Variants in GRK5 observed in about 807,000 individuals in gnomAD.
The protein encoded by GRK5 is g protein-coupled receptor kinase GRK5.
A neutral mutation model predicts 78.4 loss-of-function variants in GRK5; 40 were observed. That is an observed-to-expected ratio of 0.51 (90% CI 0.40 to 0.66). GRK5 has a LOEUF of 0.66. Among genes scored for constraint, GRK5 ranks in the 30% least tolerant of loss-of-function variants. The pLI is 0.00. For missense variants in GRK5, 598 were observed against 759.9 expected, an observed-to-expected ratio of 0.79 and a Z score of 2.50; for synonymous variants, 289 against 296.8, an observed-to-expected ratio of 0.97 and a Z score of 0.27.
At chr10:119,317,626 G>C (rs1162655626) in intron 1 of GRK5, among the ~76,000 whole-genome samples, 1 of 152,058 alleles carries the variant, frequency 6.6e-6, no homozygotes, top group South Asian at 2.1e-4. Flanking sequence ...AGCCTGCCAG[G>C]CATCCTGCTG....
chr10:119,335,170 CT>C (rs1850856565), intron 2 of GRK5, among the ~76,000 whole-genome samples: 5 of 141,204 alleles, frequency 3.5e-5, no homozygotes, highest in Admixed American at 1.4e-4. Context: ...CTCTCTCTCT[CT>C]CTCTCCCCCT....
Position 119,446,924 on chromosome 10 carries a change from G to A in GRK5, c.1267-1199G>A, listed in dbSNP as rs541143488. 8.5e-5 allele frequency among the ~76,000 whole-genome samples: 13 copies of A among 152,356 alleles called. No individual in the cohort carries two copies. In the South Asian group the frequency reaches 2.1e-3, roughly 24 times the overall value. On this transcript the variant is annotated intron_variant, in intron 12 of 15. Coordinates refer to ENST00000392870, the MANE Select transcript of GRK5 (RefSeq NM_005308.3). Reference sequence around the variant, plus strand: ...TACATGGGATGAATATGAGCAAAGCGCACAGGGCATTGGGAAAAGACAAGG... The same window carrying A: ...TACATGGGATGAATATGAGCAAAGCACACAGGGCATTGGGAAAAGACAAGG...
chr10:119,444,523 C>T (rs1289574563), intron 12 of GRK5, among the ~76,000 whole-genome samples: 1 of 152,166 alleles, frequency 6.6e-6, no homozygotes. Context: ...CTGCCTGGCT[C>T]TCAGCCCCCA....
chr10:119,425,964 A>C (rs1852670238), intron 6 of GRK5, among the ~76,000 whole-genome samples: 1 of 152,172 alleles, frequency 6.6e-6, no homozygotes, highest in African/African-American at 2.4e-5. Flanking sequence ...TCACTGGCCC[A>C]GGATTTGCAG....
intron 2 of GRK5, among the ~76,000 whole-genome samples, chr10:119,347,289 A>G (rs1851111975): frequency 6.6e-6 from 1 of 150,600 alleles, no homozygotes; most frequent in Non-Finnish European, 1.5e-5. Context: ...GCAAGTGTGC[A>G]TGTGTGTGTA....
chr10:119,379,244 C>T lies in GRK5; in HGVS notation c.149-1571C>T, dbSNP rs139597143. ...GGTCCTAGGAGTTAGGTCTGCTTAC[C>T]GTCCGCAGTTTACAGACTAGACAAC... On this transcript the variant is annotated intron_variant, in intron 2 of 15. Transcript: ENST00000392870. The surrounding 1 kb of genome is among the most constrained non-coding windows in gnomAD (Gnocchi z 4.1). Among the ~76,000 whole-genome samples the T allele has an allele frequency of 2.6e-4, 39 of 152,220 alleles. No homozygotes were observed. Among genetic ancestry groups the T allele is most frequent in the African/African-American group, 7.2e-4 (30 of 41,524 alleles).
At chr10:119,286,026 CT>C (rs1849841962) in intron 1 of GRK5, among the ~76,000 whole-genome samples, 2 of 149,598 alleles carry the variant, frequency 1.3e-5, no homozygotes, top group Non-Finnish European at 3.0e-5. Context: ...GTTATTCTTT[CT>C]ATTAACCCCA....
intron 2 of GRK5, among the ~76,000 whole-genome samples, chr10:119,375,177 G>T (rs1236948648): frequency 6.6e-6 from 1 of 152,096 alleles, no homozygotes; most frequent in African/African-American, 2.4e-5. Context: ...GGTGGTCTCA[G>T]ACCTAGCCCA....
At chr10:119,218,960 C>T (rs1403283969) in intron 1 of GRK5, among the ~76,000 whole-genome samples, 6 of 147,810 alleles carry the variant, frequency 4.1e-5, no homozygotes, top group African/African-American at 1.3e-4. Flanking sequence ...TGCAGTGGCA[C>T]GATCTCAGCT....
rs1293513944 is a variant in GRK5 at position 119,292,076 on chromosome 10, CCTCTTCCTCCTCCTT to C, written c.53-34436_53-34422del. ...TCCTCCTCCTCTTCCTCCTTCTCCT[CCTCTTCCTCCTCCTT>C]CTCCTCTTCCTCCTTCTCCTCTTCC... On this transcript the variant is annotated intron_variant, in intron 1 of 15. Transcript: ENST00000392870. 4.5e-5 allele frequency among the ~76,000 whole-genome samples: 6 copies of C among 134,376 alleles called. 1 individual carries two copies. The highest frequency in any genetic ancestry group is 1.7e-4 in the African/African-American group (6 of 35,306). The allele number at this position is 134,376 out of a possible 152,430, so 88.2% of individuals were successfully genotyped here. A position where few individuals can be genotyped will look rare whatever the true frequency, so the allele number is the denominator to read the frequency against.
In GRK5 at chr10:119,412,349, C is replaced by T. The variant is rs1334001967; in HGVS notation, c.340-10817C>T. ...GGTGCCCGGGCCGTGCAGTCCATCGCCTGGGCTGACCACGAGGACACCCCG... is the reference window on the plus strand; with the variant it reads ...GGTGCCCGGGCCGTGCAGTCCATCGTCTGGGCTGACCACGAGGACACCCCG... On this transcript the variant is annotated intron_variant, in intron 4 of 15. Coordinates refer to ENST00000392870, the MANE Select transcript of GRK5 (RefSeq NM_005308.3). The surrounding 1 kb of genome is among the most constrained non-coding windows in gnomAD (Gnocchi z 4.3). 1.3e-5 allele frequency among the ~76,000 whole-genome samples: 2 copies of T among 152,212 alleles called. No individual in the cohort carries two copies. Among genetic ancestry groups the T allele is most frequent in the Admixed American group, 6.5e-5 (1 of 15,274 alleles).
chr10:119,378,400 A>G lies in GRK5; in HGVS notation c.149-2415A>G, dbSNP rs1851658129. On this transcript the variant is annotated intron_variant, in intron 2 of 15. Transcript: ENST00000392870. The surrounding 1 kb of genome is among the most constrained non-coding windows in gnomAD (Gnocchi z 4.5). ...AGGGGACTTGGCAGGTTGCTCATCC[A>G]TGCTGATCCAAATACTCACTCGGGA... Among the ~76,000 whole-genome samples, 1 of 152,238 alleles carries G rather than the reference A, an allele frequency of 6.6e-6. No homozygotes were observed. Among genetic ancestry groups the G allele is most frequent in the Non-Finnish European group, 1.5e-5 (1 of 68,040 alleles).
rs1290627512 is a variant in GRK5 at position 119,445,601 on chromosome 10, C to A, written c.1266+1849C>A. Reference sequence around the variant, plus strand: ...GTACAAAACCACTGTCCTCTGGAAGCCTCTGGCCTTGCTGCGGCTTCCCTT... The same window carrying A: ...GTACAAAACCACTGTCCTCTGGAAGACTCTGGCCTTGCTGCGGCTTCCCTT... On this transcript the variant is annotated intron_variant, in intron 12 of 15. Coordinates refer to ENST00000392870, the MANE Select transcript of GRK5 (RefSeq NM_005308.3). This position sits in a 1 kb window ranked among gnomAD's most constrained non-coding sequence, Gnocchi z 4.1. Among the ~76,000 whole-genome samples, 2 of 152,164 alleles carry A rather than the reference C, an allele frequency of 1.3e-5. No homozygotes were observed. Among genetic ancestry groups the A allele is most frequent in the African/African-American group, 4.8e-5 (2 of 41,444 alleles).
chr10:119,282,934 G>A (rs901418050), intron 1 of GRK5, among the ~76,000 whole-genome samples: 1 of 152,182 alleles, frequency 6.6e-6, no homozygotes, highest in African/African-American at 2.4e-5. Context: ...CAGGCTGCTG[G>A]CCCATCCAGT....
Position 119,366,028 on chromosome 10 carries a change from C to T in GRK5, c.149-14787C>T, listed in dbSNP as rs116401478. ...GTGCCAACATGTGCAGGGAACTAAG[C>T]GACCTGGTCCCTGACTGCTCCAAGT... On this transcript the variant is annotated intron_variant, in intron 2 of 15. Coordinates refer to ENST00000392870, the MANE Select transcript of GRK5 (RefSeq NM_005308.3). Among the ~76,000 whole-genome samples, 668 of 152,310 alleles carry T rather than the reference C, an allele frequency of 4.4e-3. 6 individuals are homozygous for T. The highest frequency in any genetic ancestry group is 0.016 in the African/African-American group (647 of 41,558).
chr10:119,237,580 G>C (rs909243351), intron 1 of GRK5, among the ~76,000 whole-genome samples: 1 of 152,190 alleles, frequency 6.6e-6, no homozygotes, highest in African/African-American at 2.4e-5. Context: ...GGAGTCTCCA[G>C]CATACTAAAG....
chr10:119,454,270 C>A (rs1017463900), intron 15 of GRK5, among the ~76,000 whole-genome samples: 1 of 152,208 alleles, frequency 6.6e-6, no homozygotes, highest in Non-Finnish European at 1.5e-5. Flanking sequence ...CTCACAGACC[C>A]GGGTTCAAAC....
chr10:119,281,873 T>C (rs1385464474), intron 1 of GRK5, among the ~76,000 whole-genome samples: 1 of 152,208 alleles, frequency 6.6e-6, no homozygotes, highest in Non-Finnish European at 1.5e-5. Flanking sequence ...AGACTAAATC[T>C]CTTATTTCTA....
At chr10:119,290,432 C>T (rs374675705) in intron 1 of GRK5, among the ~76,000 whole-genome samples, 57 of 151,122 alleles carry the variant, frequency 3.8e-4, no homozygotes, top group African/African-American at 1.3e-3. Context: ...TATTCTGGTT[C>T]AGTCTCATTT....
Sources: allele counts gnomAD v4.1 joint callset (sites outside exome capture counted in the v4.1 genomes callset), GRCh38; gene constraint gnomAD v4.1.1; non-coding constraint Gnocchi (gnomAD v3.1); transcripts MANE v1.5; gene names NCBI Gene and HGNC (gene_info 2026-07-23, HGNC 2026-07-21).